SP100: variants seen among roughly 807,000 people sequenced by gnomAD.
The protein encoded by SP100 is SP100 nuclear body protein.
A neutral mutation model predicts 130.0 loss-of-function variants in SP100; 84 were observed. The ratio of observed to expected loss-of-function variants is 0.65; its 90% CI spans 0.54 to 0.77. The LOEUF is 0.77. Ranked by LOEUF, SP100 falls within the 30% of genes least tolerant of loss-of-function variation. The pLI is 0.00. For missense variants in SP100, 978 were observed against 1,052.2 expected, an observed-to-expected ratio of 0.93 and a Z score of 0.97; for synonymous variants, 331 against 351.7, an observed-to-expected ratio of 0.94 and a Z score of 0.66.
chr2:230,449,907 C>G (rs1018450365), intron 7 of SP100, among the ~76,000 whole-genome samples, 197 bp downstream of exon 7: 3 of 152,038 alleles, frequency 2.0e-5, no homozygotes, highest in African/African-American at 7.3e-5. Flanking sequence ...AGGAAGAAAG[C>G]TAGAAGCAAA....
At chr2:230,454,994 T>C (rs772565524) in intron 8 of SP100, among the ~76,000 whole-genome samples, 18 of 152,230 alleles carry the variant, frequency 1.2e-4, no homozygotes, top group Non-Finnish European at 2.2e-4. Context: ...AATTGTTATA[T>C]CATCTTGATA....
At chr2:230,442,148 A>C (rs1033908042) in intron 2 of SP100, among the ~76,000 whole-genome samples, 3 of 152,340 alleles carry the variant, frequency 2.0e-5, no homozygotes, top group African/African-American at 7.2e-5. Context: ...GGAAGGGCTC[A>C]TAAATTTTCA....
At chr2:230,469,158 C>A in intron 14 of SP100, 62 bp downstream of exon 14, 1 of 1,025,414 alleles carries the variant, frequency 9.8e-7, no homozygotes, top group Non-Finnish European at 1.5e-6. Context: ...AAGCTACATT[C>A]ACTTTTTATG....
intron 2 of SP100, among the ~76,000 whole-genome samples, chr2:230,432,499 G>A (rs1057005049): frequency 6.6e-6 from 1 of 152,094 alleles, no homozygotes; most frequent in African/African-American, 2.4e-5. Flanking sequence ...CAATGTATAA[G>A]GGTTCAAGTT....
Position 230,503,056 on chromosome 2 carries a change from A to G in SP100, c.1721-10A>G, listed in dbSNP as rs750344515. ...AAAGAGACATTTATGTTGTTTTTCA[A>G]CTTTCTCAGGAAGAAAAGCCAACAC... On this transcript the variant is annotated splice_polypyrimidine_tract_variant and intron_variant, in intron 19 of 28. Coordinates refer to ENST00000340126, the MANE Select transcript of SP100 (RefSeq NM_001080391.2). The G allele has an allele frequency of 6.3e-7, 1 of 1,593,866 alleles. No homozygotes were observed. The highest frequency in any genetic ancestry group is 2.2e-5 in the East Asian group (1 of 44,678).
chr2:230,497,574 A>C (rs191118068), intron 18 of SP100, among the ~76,000 whole-genome samples: 10 of 128,604 alleles, frequency 7.8e-5, no homozygotes, highest in Non-Finnish European at 1.6e-4. Flanking sequence ...AAGGAAAGGA[A>C]AGGAAAGGAA....
chr2:230,488,586 A>T (rs6436942), intron 17 of SP100, among the ~76,000 whole-genome samples: 127,209 of 152,020 alleles, frequency 0.84, 53,569 homozygotes, highest in Middle Eastern at 0.93. Context: ...GCTAATTTTT[A>T]GCATTTTTAG....
chr2:230,514,416 T>C (rs964214609), intron 24 of SP100, among the ~76,000 whole-genome samples: 2 of 152,168 alleles, frequency 1.3e-5, no homozygotes, highest in African/African-American at 4.8e-5. Flanking sequence ...TAAATCCAGG[T>C]TCTTCTTTAG....
At chr2:230,474,011 T>C (rs1470507759) in intron 16 of SP100, among the ~76,000 whole-genome samples, 1 of 152,216 alleles carries the variant, frequency 6.6e-6, no homozygotes, top group Non-Finnish European at 1.5e-5. Flanking sequence ...AGATACCTAC[T>C]CTTATGCTAA....
At position 230,504,177 on chromosome 2, in the gene SP100, T is replaced by C. The variant is rs376112093; in HGVS notation, c.1766-9T>C. On this transcript the variant is annotated splice_polypyrimidine_tract_variant and intron_variant, in intron 20 of 28. Coordinates refer to ENST00000340126, the MANE Select transcript of SP100 (RefSeq NM_001080391.2). The stretch of plus-strand genomic sequence containing the variant: ...TAGATGGAATGGAAAAAAAAATGCT[T>C]CCTTGCAGGTCCAAGAATTCCCAAA... The C allele has an allele frequency of 6.4e-6, 10 of 1,551,366 alleles. No homozygotes were observed. Among genetic ancestry groups the C allele is most frequent in the Non-Finnish European group, 8.0e-6 (9 of 1,124,668 alleles).
Position 230,543,026 on chromosome 2 carries a change from C to T in SP100, c.*80C>T. 1 of 710,440 alleles carries T rather than the reference C, an allele frequency of 1.4e-6. No individual in the cohort carries two copies. The highest frequency in any genetic ancestry group is 2.4e-6 in the Non-Finnish European group (1 of 411,176). The allele number at this position is 710,440 out of a possible 1,614,324, so 44.0% of individuals were successfully genotyped here. A position where few individuals can be genotyped will look rare whatever the true frequency, so the allele number is the denominator to read the frequency against. ...GTGGTCCCACTAATCTGTGACTGCT[C>T]CTGTGGAAACTCCACATCACAATTC... On this transcript the variant is annotated 3_prime_UTR_variant, in exon 29 of 29. Transcript: ENST00000340126.
chr2:230,481,066 C>T (rs1188661562), intron 17 of SP100, among the ~76,000 whole-genome samples: 9 of 146,712 alleles, frequency 6.1e-5, no homozygotes, highest in Admixed American at 6.1e-4. Context: ...GGTGTTGGTC[C>T]CTTCGTGGCT....
intron 5 of SP100, among the ~76,000 whole-genome samples, 194 bp from the exon 6 acceptor site, chr2:230,448,894 C>T (rs913914959): frequency 7.2e-5 from 11 of 152,198 alleles, no homozygotes; most frequent in Non-Finnish European, 1.6e-4. Flanking sequence ...GTGCAGCTGA[C>T]CCAGTCCCCT....
In SP100 at chr2:230,541,318, C is replaced by T. The variant is rs1428556432; in HGVS notation, c.2349C>T (p.Leu783=). ...TTTTGCAGAAATGTGAATTCCTCCT[C>T]TTGAAGGTCTACTGTGATTCGAAAA... ...PEEQLKCEFL[L]LKVYCDSKSC... is the part of the protein sequence containing the mutation. Residue 783 remains leucine, a synonymous_variant, in exon 27 of 29, where the codon CTC becomes CTT. Coordinates refer to ENST00000340126, the MANE Select transcript of SP100 (RefSeq NM_001080391.2). 3 of 1,613,906 alleles carry T rather than the reference C, an allele frequency of 1.9e-6. No individual in the cohort carries two copies. Among genetic ancestry groups the T allele is most frequent in the South Asian group, 2.2e-5 (2 of 91,074 alleles).
At chr2:230,529,592 G>C (rs1691600863) in intron 24 of SP100, among the ~76,000 whole-genome samples, 1 of 152,156 alleles carries the variant, frequency 6.6e-6, no homozygotes, top group Admixed American at 6.5e-5. Context: ...AGTCAGGCAA[G>C]AGAAAGAAAT....
intron 17 of SP100, among the ~76,000 whole-genome samples, chr2:230,483,250 T>C (rs573279169): frequency 6.6e-6 from 1 of 152,298 alleles, no homozygotes; most frequent in South Asian, 2.1e-4. Flanking sequence ...ATGTGCCATT[T>C]TATGTAGGGT....
chr2:230,542,104 T>C, intron 28 of SP100, 69 bp downstream of exon 28: 1 of 1,493,280 alleles, frequency 6.7e-7, no homozygotes, highest in Non-Finnish European at 9.3e-7. Flanking sequence ...CCCTGTCATC[T>C]TTTCATGTCA....
intron 24 of SP100, among the ~76,000 whole-genome samples, chr2:230,523,104 C>T (rs1407572614): frequency 6.6e-6 from 1 of 152,160 alleles, no homozygotes; most frequent in African/African-American, 2.4e-5. Flanking sequence ...TCTTTGGAGC[C>T]TGGGGAGATT....
rs2064956298 is a variant in SP100, at chr2:230,466,326, T to G, written c.1167T>G (p.Ser389=). The G allele has an allele frequency of 2.5e-6, 4 of 1,584,076 alleles. No individual in the cohort carries two copies. The highest frequency in any genetic ancestry group is 3.3e-4 in the Middle Eastern group (2 of 6,000). Residue 389 remains serine (S), a synonymous_variant, in exon 12 of 29, where the codon TCT becomes TCG. Coordinates refer to ENST00000340126, the MANE Select transcript of SP100 (RefSeq NM_001080391.2). ...VPEPMDFRKL[S]TFRESFKKRV... is the part of the protein sequence containing the mutation. ...AGCCCATGGATTTCAGAAAATTATC[T>G]ACATTCAGAGAAAGTTTTAAGAAAA...
Sources: allele counts gnomAD v4.1 joint callset (sites outside exome capture counted in the v4.1 genomes callset), GRCh38; gene constraint gnomAD v4.1.1; transcripts MANE v1.5; gene names NCBI Gene and HGNC (gene_info 2026-07-23, HGNC 2026-07-21).